HDHD2: variants seen among roughly 807,000 people sequenced by gnomAD.
The protein encoded by HDHD2 is haloacid dehalogenase-like hydrolase domain-containing protein 2.
A neutral mutation model predicts 24.8 loss-of-function variants in HDHD2; 26 were observed. That is an observed-to-expected ratio of 1.05 (90% CI 0.77 to 1.45). HDHD2 has a LOEUF of 1.45. Among genes scored for constraint, HDHD2 ranks in the 40% most tolerant of loss-of-function variants. The probability of loss-of-function intolerance (pLI) is 0.00; values close to 1 mark genes in which losing one functional copy is unlikely to be tolerated. For synonymous variants in HDHD2, 128 were observed against 114.9 expected (o/e 1.11, Z -0.73); for missense variants, 299 against 313.4 (o/e 0.95, Z 0.35).
At chr18:47,145,959 C>T (rs1346542468) in intron 1 of HDHD2, among the ~76,000 whole-genome samples, 2 of 151,998 alleles carry the variant, frequency 1.3e-5, no homozygotes, top group African/African-American at 2.4e-5. Flanking sequence ...TGGCCGGGCA[C>T]AGTGGCTCAT....
At chr18:47,125,649 T>A (rs2144323169) in intron 4 of HDHD2, among the ~76,000 whole-genome samples, 1 of 152,362 alleles carries the variant, frequency 6.6e-6, no homozygotes, top group Admixed American at 6.5e-5. Context: ...AAAAATGCTA[T>A]AATTCTATGA....
At chr18:47,138,127 G>T (rs1252113880) in intron 1 of HDHD2, among the ~76,000 whole-genome samples, 1 of 119,540 alleles carries the variant, frequency 8.4e-6, no homozygotes, top group Non-Finnish European at 1.6e-5. Context: ...AGCCGAGATC[G>T]CACCACTGCA....
intron 6 of HDHD2, chr18:47,110,208 C>T (rs2063504477): frequency 1.0e-6 from 1 of 985,334 alleles, no homozygotes; most frequent in Non-Finnish European, 1.2e-6. Flanking sequence ...ACCCTCTTTT[C>T]CACATCTTTG....
intron 4 of HDHD2, among the ~76,000 whole-genome samples, chr18:47,126,987 C>T (rs901556921): frequency 6.6e-6 from 1 of 152,046 alleles, no homozygotes; most frequent in African/African-American, 2.4e-5. Context: ...TGGTGAAACC[C>T]CGTCTCTACT....
intron 4 of HDHD2, among the ~76,000 whole-genome samples, chr18:47,122,439 C>A (rs548019458): frequency 6.6e-6 from 1 of 152,108 alleles, no homozygotes; most frequent in Non-Finnish European, 1.5e-5. Flanking sequence ...AGTACCACCA[C>A]CCCTCTCCCT....
intron 1 of HDHD2, among the ~76,000 whole-genome samples, chr18:47,146,648 A>C (rs553218908): frequency 3.3e-5 from 5 of 152,270 alleles, no homozygotes; most frequent in African/African-American, 1.2e-4. Flanking sequence ...ACACACAGAA[A>C]AAAATGGCAG....
At chr18:47,116,158 A>G (rs913232984) in intron 4 of HDHD2, among the ~76,000 whole-genome samples, 15 of 152,166 alleles carry the variant, frequency 9.9e-5, no homozygotes, top group African/African-American at 3.4e-4. Flanking sequence ...CCAACACCCA[A>G]CCTAAAACAA....
At chr18:47,137,780 A>C (rs1290447431) in intron 1 of HDHD2, among the ~76,000 whole-genome samples, 1 of 152,096 alleles carries the variant, frequency 6.6e-6, no homozygotes, top group African/African-American at 2.4e-5. Context: ...CGTATAGGGC[A>C]ATCTGTCTTT....
chr18:47,149,744 G>C (rs2063911023), intron 1 of HDHD2, among the ~76,000 whole-genome samples: 1 of 152,124 alleles, frequency 6.6e-6, no homozygotes, highest in African/African-American at 2.4e-5. Context: ...TTCTCCCAGA[G>C]TTAGGCTAGG....
chr18:47,124,824 T>A (rs1234845008), intron 4 of HDHD2, among the ~76,000 whole-genome samples: 1 of 148,480 alleles, frequency 6.7e-6, no homozygotes, highest in Non-Finnish European at 1.5e-5. Context: ...AAATGGCTAA[T>A]AAGTATATGA....
At chr18:47,114,911 T>C (rs1164323070) in intron 5 of HDHD2, among the ~76,000 whole-genome samples, 1 of 151,854 alleles carries the variant, frequency 6.6e-6, no homozygotes, top group Non-Finnish European at 1.5e-5. Context: ...ACAAATCTCC[T>C]ATTACGCTAT....
chr18:47,130,230 A>C lies in HDHD2; in HGVS notation c.395+14T>G, dbSNP rs1299895645. Reference sequence around the variant, plus strand: ...ACTATTATGATCAGATGAAAAATAAATAGCTAGGTTTACCGGAATGCTTGA... The same window carrying C: ...ACTATTATGATCAGATGAAAAATAACTAGCTAGGTTTACCGGAATGCTTGA... On this transcript the variant is annotated intron_variant, in intron 4 of 6. Transcript: ENST00000300605. The C allele has an allele frequency of 6.7e-7, 1 of 1,493,546 alleles. No homozygotes were observed. The highest frequency in any genetic ancestry group is 1.2e-5 in the South Asian group (1 of 85,714). 92.5% of individuals were successfully genotyped at this position (1,493,546 alleles called of 1,614,324 possible). A position where few individuals can be genotyped will look rare whatever the true frequency, so the allele number is the denominator to read the frequency against.
At chr18:47,120,864 G>A (rs901677197) in intron 4 of HDHD2, among the ~76,000 whole-genome samples, 2 of 152,126 alleles carry the variant, frequency 1.3e-5, no homozygotes, top group African/African-American at 4.8e-5. Context: ...TGGTGAAGCG[G>A]TCAGAACACA....
At chr18:47,114,039 C>A (rs946564841) in intron 5 of HDHD2, among the ~76,000 whole-genome samples, 1 of 152,152 alleles carries the variant, frequency 6.6e-6, no homozygotes, top group Admixed American at 6.5e-5. Context: ...GTCCCAGGGC[C>A]AGCAACTCCT....
chr18:47,148,728 T>C (rs1331073974), intron 1 of HDHD2, among the ~76,000 whole-genome samples: 2 of 152,252 alleles, frequency 1.3e-5, no homozygotes, highest in East Asian at 3.8e-4. Flanking sequence ...TCCACTTACT[T>C]CTCTTCATCG....
chr18:47,129,861 C>T (rs561256505), intron 4 of HDHD2, among the ~76,000 whole-genome samples: 2 of 152,178 alleles, frequency 1.3e-5, no homozygotes, highest in South Asian at 4.2e-4. Context: ...ATTGCTTGAG[C>T]CCAAGAGTTG....
intron 4 of HDHD2, among the ~76,000 whole-genome samples, chr18:47,127,487 G>A (rs2063670249): frequency 6.6e-6 from 1 of 152,076 alleles, no homozygotes. Flanking sequence ...TTTCCACGAT[G>A]AGGATATATT....
chr18:47,123,456 C>T (rs987664176), intron 4 of HDHD2, among the ~76,000 whole-genome samples: 2 of 151,962 alleles, frequency 1.3e-5, no homozygotes, highest in African/African-American at 2.4e-5. Flanking sequence ...GGCATGGTGG[C>T]GCATGCTTGT....
At chr18:47,110,488 T>C (rs1259566987) in intron 6 of HDHD2, 2 of 984,920 alleles carry the variant, frequency 2.0e-6, no homozygotes, top group African/African-American at 3.5e-5. Flanking sequence ...ATGACCTACT[T>C]TCTGGATCCA....
Sources: gnomAD v4.1 joint callset for allele counts (sites outside exome capture counted in the v4.1 genomes callset) on GRCh38, gnomAD v4.1.1 for gene constraint, MANE v1.5 for transcripts, NCBI Gene and HGNC (gene_info 2026-07-23, HGNC 2026-07-21) for gene names.